The following SRPK1 variants were observed in gnomAD, a reference collection of about 807,000 sequenced individuals.
The protein encoded by SRPK1 is SRSF protein kinase 1, also known as SFRS protein kinase 1.
A neutral mutation model predicts 89.5 loss-of-function variants in SRPK1; 52 were observed. The ratio of observed to expected loss-of-function variants is 0.58; its 90% CI spans 0.46 to 0.73. SRPK1 has a LOEUF of 0.73. Among genes scored for constraint, SRPK1 ranks in the 30% least tolerant of loss-of-function variants. The probability of loss-of-function intolerance (pLI) is 0.00; values close to 1 mark genes in which losing one functional copy is unlikely to be tolerated. For missense variants in SRPK1, 603 were observed against 780.6 expected (o/e 0.77, Z 2.71); for synonymous variants, 255 against 270.2 (o/e 0.94, Z 0.55).
At chr6:35,920,008 T>A in intron 2 of SRPK1, 1 of 452,016 alleles carries the variant, frequency 2.2e-6, no homozygotes. Flanking sequence ...AGTGTGTGGT[T>A]GGTAGAACCC....
intron 3 of SRPK1, 50 bp from the exon 4 acceptor site, chr6:35,888,973 T>G: frequency 7.5e-7 from 1 of 1,325,146 alleles, no homozygotes; most frequent in Non-Finnish European, 1.1e-6. Context: ...TGAGAAACAA[T>G]GGTAAGAAAA....
At chr6:35,904,321 C>T (rs1206816449) in intron 2 of SRPK1, among the ~76,000 whole-genome samples, 1 of 152,126 alleles carries the variant, frequency 6.6e-6, no homozygotes, top group African/African-American at 2.4e-5. Context: ...TAATCCTCCA[C>T]TACGAGGCCC....
chr6:35,912,792 C>T (rs144228300), intron 2 of SRPK1, among the ~76,000 whole-genome samples: 3 of 152,242 alleles, frequency 2.0e-5, no homozygotes, highest in African/African-American at 7.2e-5. Flanking sequence ...TCTTTCTTCC[C>T]TTCTTTTGGA....
intron 13 of SRPK1, among the ~76,000 whole-genome samples, chr6:35,850,058 G>T (rs1000155573): frequency 6.6e-6 from 1 of 152,100 alleles, no homozygotes; most frequent in African/African-American, 2.4e-5. Context: ...AGACTGGGGG[G>T]TGAAGATAAT....
intron 2 of SRPK1, chr6:35,904,974 T>C (rs1581597327): frequency 2.2e-6 from 1 of 445,770 alleles, no homozygotes; most frequent in Non-Finnish European, 4.5e-6. Context: ...AGACTCCATC[T>C]CTACAAAAGA....
At chr6:35,836,754 C>CAATAAT (rs10540061) in intron 15 of SRPK1, among the ~76,000 whole-genome samples, 5,248 of 143,328 alleles carry the variant, frequency 0.037, 105 homozygotes, top group Middle Eastern at 0.08. Context: ...TACCCTGTCT[C>CAATAAT]AATAATAATA....
At chr6:35,848,219 G>A (rs1769466324) in intron 13 of SRPK1, among the ~76,000 whole-genome samples, 1 of 152,050 alleles carries the variant, frequency 6.6e-6, no homozygotes, top group East Asian at 1.9e-4. Flanking sequence ...AATTCACATG[G>A]AATCACAAAA....
intron 12 of SRPK1, among the ~76,000 whole-genome samples, chr6:35,858,281 T>C (rs1769706620): frequency 6.6e-6 from 1 of 152,170 alleles, no homozygotes; most frequent in Non-Finnish European, 1.5e-5. Flanking sequence ...CATTTTCTTT[T>C]CATTCATAAA....
intron 2 of SRPK1, among the ~76,000 whole-genome samples, chr6:35,911,736 C>T (rs1053980712): frequency 4.0e-5 from 6 of 151,788 alleles, no homozygotes; most frequent in Admixed American, 6.6e-5. Context: ...CAGCAGAAAG[C>T]GGTTTCTTGA....
intron 6 of SRPK1, among the ~76,000 whole-genome samples, chr6:35,886,244 C>A (rs1581586427): frequency 6.6e-6 from 1 of 152,038 alleles, no homozygotes; most frequent in East Asian, 1.9e-4. Context: ...CCATGCCCAG[C>A]TAATTTTTGT....
At chr6:35,849,576 T>C (rs574549775) in intron 13 of SRPK1, among the ~76,000 whole-genome samples, 1 of 152,234 alleles carries the variant, frequency 6.6e-6, no homozygotes, top group African/African-American at 2.4e-5. Flanking sequence ...AGCCAAGTTA[T>C]GGAATCAACC....
intron 2 of SRPK1, among the ~76,000 whole-genome samples, chr6:35,896,856 C>G (rs1044172722): frequency 1.3e-5 from 2 of 152,120 alleles, no homozygotes; most frequent in African/African-American, 4.8e-5. Context: ...AGCGGATAAA[C>G]AAAATTCATA....
chr6:35,863,956 C>T (rs1421707686), intron 12 of SRPK1, among the ~76,000 whole-genome samples: 5 of 152,038 alleles, frequency 3.3e-5, no homozygotes, highest in Non-Finnish European at 5.9e-5. Context: ...TATAGACAGT[C>T]AAAAATGCTG....
chr6:35,864,279 T>C (rs148037732), intron 12 of SRPK1, among the ~76,000 whole-genome samples: 2 of 152,112 alleles, frequency 1.3e-5, no homozygotes, highest in African/African-American at 2.4e-5. Flanking sequence ...GAGAAAATAT[T>C]TGCAAATTAC....
intron 12 of SRPK1, among the ~76,000 whole-genome samples, chr6:35,857,647 T>C (rs1341743024): frequency 6.6e-6 from 1 of 152,212 alleles, no homozygotes; most frequent in Non-Finnish European, 1.5e-5. Flanking sequence ...AAAATTGTTT[T>C]AGTAAAGATG....
chr6:35,890,767 T>C, intron 3 of SRPK1, 128 bp downstream of exon 3: 1 of 722,260 alleles, frequency 1.4e-6, no homozygotes, highest in Non-Finnish European at 2.0e-6. Context: ...TACTATTTCC[T>C]ATGTTTTAGA....
At chr6:35,920,230 GTCC>G in intron 2 of SRPK1, 1 of 612,564 alleles carries the variant, frequency 1.6e-6, no homozygotes, top group Non-Finnish European at 3.1e-6. Flanking sequence ...GCGGGCTCTG[GTCC>G]TCCTCCGACA....
Position 35,835,264 on chromosome 6 carries a change from G to A in SRPK1, c.*40C>T. 2 of 1,539,656 alleles carry A rather than the reference G, an allele frequency of 1.3e-6. No homozygotes were observed. On this transcript the variant is annotated 3_prime_UTR_variant, in exon 16 of 16. Coordinates refer to ENST00000373825, the MANE Select transcript of SRPK1 (RefSeq NM_003137.5). Reference sequence around the variant, plus strand: ...AAAATGCTTGAAGGGGAAGGGCGGAGGGTCAGTGTGTGATCTCTGCTGTGG... The same window carrying A: ...AAAATGCTTGAAGGGGAAGGGCGGAAGGTCAGTGTGTGATCTCTGCTGTGG...
intron 3 of SRPK1, among the ~76,000 whole-genome samples, chr6:35,889,760 G>A (rs1340298807): frequency 6.6e-6 from 1 of 150,544 alleles, no homozygotes; most frequent in Non-Finnish European, 1.5e-5. Flanking sequence ...CTCCAGCCTG[G>A]ATGACAGAGC....
Sources: gnomAD v4.1 joint callset for allele counts (sites outside exome capture counted in the v4.1 genomes callset) on GRCh38, gnomAD v4.1.1 for gene constraint, MANE v1.5 for transcripts, NCBI Gene and HGNC (gene_info 2026-07-23, HGNC 2026-07-21) for gene names.